PTPN20: variants seen among roughly 807,000 people sequenced by gnomAD.
PTPN20 encodes the protein tyrosine-protein phosphatase non-receptor type 20.
Under a neutral mutation model 35.0 loss-of-function variants are expected in PTPN20, and 9 were observed. That is an observed-to-expected ratio of 0.26 (90% CI 0.15 to 0.45). The LOEUF (loss-of-function observed/expected upper bound fraction) is 0.45. PTPN20 is among the 20% of genes least tolerant of loss of function. The probability of loss-of-function intolerance (pLI) is 1.00; values close to 1 mark genes in which losing one functional copy is unlikely to be tolerated. For synonymous variants in PTPN20, 32 were observed against 100.2 expected (o/e 0.32, Z 4.06); for missense variants, 111 against 312.5 (o/e 0.36, Z 4.86).
chr10:46,999,642 A>G (rs952966937), intron 9 of PTPN20, among the ~76,000 whole-genome samples: 3 of 152,228 alleles, frequency 2.0e-5, no homozygotes, highest in African/African-American at 7.2e-5. Flanking sequence ...CTGCCTTTGG[A>G]TAACAAACAG....
downstream of PTPN20, among the ~76,000 whole-genome samples, chr10:47,003,298 GC>G (rs1287992191): frequency 0.45 from 68,630 of 151,738 alleles, 15,919 homozygotes; most frequent in South Asian, 0.55. Context: ...GAAAAACAGA[GC>G]CCCCCCTATT....
intron 9 of PTPN20, among the ~76,000 whole-genome samples, chr10:46,994,895 T>C (rs554625625): frequency 2.2e-3 from 341 of 152,308 alleles, no homozygotes; most frequent in Middle Eastern, 6.8e-3. Flanking sequence ...TTCATTCTGC[T>C]ATTGTGAGGC....
At chr10:46,967,610 A>G (rs2051058156) in intron 6 of PTPN20, among the ~76,000 whole-genome samples, 1 of 150,146 alleles carries the variant, frequency 6.7e-6, no homozygotes, top group Non-Finnish European at 1.5e-5. Flanking sequence ...TTTTATTTAT[A>G]AAATGATAGA....
At chr10:46,994,517 G>C (rs1291905029) in intron 9 of PTPN20, among the ~76,000 whole-genome samples, 1 of 151,518 alleles carries the variant, frequency 6.6e-6, no homozygotes, top group African/African-American at 2.4e-5. Flanking sequence ...TATTTTTTTA[G>C]TAGAGACGGG....
chr10:46,949,336 C>G (rs1435673381), intron 5 of PTPN20, among the ~76,000 whole-genome samples: 3,567 of 151,664 alleles, frequency 0.024, 16 homozygotes, highest in Middle Eastern at 0.068. Context: ...GTCACACTGG[C>G]CCACATCCAG....
At chr10:46,993,060 TG>T (rs1229446660) in intron 9 of PTPN20, among the ~76,000 whole-genome samples, 7 of 152,202 alleles carry the variant, frequency 4.6e-5, no homozygotes, top group Non-Finnish European at 8.8e-5. Context: ...CAGTGTATAC[TG>T]GAAGAGTTTG....
At position 46,963,658 on chromosome 10, in the gene PTPN20, G is replaced by A. The variant is rs1417497427; in HGVS notation, c.341-1328G>A. 4.2e-5 allele frequency among the ~76,000 whole-genome samples: 4 copies of A among 95,552 alleles called. 1 individual carries two copies. The highest frequency in any genetic ancestry group is 7.6e-5 in the Non-Finnish European group (4 of 52,520). 62.7% of individuals were successfully genotyped at this position (95,552 alleles called of 152,430 possible). On this transcript the variant is annotated intron_variant, in intron 5 of 10. Coordinates refer to ENST00000374339, the MANE Select transcript of PTPN20 (RefSeq NM_001042357.5). Reference sequence around the variant, plus strand: ...AGACCAGCCTATTTCTATGGTTGGCGCAAATCTCCTACCTATTTCTGAATT... The same window carrying A: ...AGACCAGCCTATTTCTATGGTTGGCACAAATCTCCTACCTATTTCTGAATT...
chr10:46,984,135 G>A, intron 7 of PTPN20, 95 bp from the exon 8 acceptor site: 2 of 919,040 alleles, frequency 2.2e-6, no homozygotes, highest in Non-Finnish European at 1.8e-6. Context: ...TGGTCAAAGA[G>A]ATATATGGAT....
intron 7 of PTPN20, among the ~76,000 whole-genome samples, chr10:46,983,412 G>C (rs2056141828): frequency 6.6e-6 from 1 of 151,468 alleles, no homozygotes; most frequent in African/African-American, 2.4e-5. Flanking sequence ...ATTGGTGAGA[G>C]AGCTGCATGG....
chr10:46,923,980 C>T (rs1204243767), intron 1 of PTPN20, among the ~76,000 whole-genome samples: 2 of 152,166 alleles, frequency 1.3e-5, no homozygotes, highest in African/African-American at 4.8e-5. Context: ...TTTATATTTC[C>T]AATTCCAATT....
chr10:46,941,714 TTTG>T (rs1194979261), intron 3 of PTPN20, among the ~76,000 whole-genome samples: 5 of 151,294 alleles, frequency 3.3e-5, no homozygotes, highest in Admixed American at 3.3e-4. Flanking sequence ...TGTTTGTTTG[TTTG>T]TTTTTTTGCT....
chr10:46,951,502 A>G (rs2046657009), intron 5 of PTPN20, among the ~76,000 whole-genome samples: 1 of 152,230 alleles, frequency 6.6e-6, no homozygotes, highest in African/African-American at 2.4e-5. Context: ...TTAATTTCTA[A>G]AATGTTTAAA....
In PTPN20 at chr10:46,986,411, G is replaced by A. The variant is rs377629447; in HGVS notation, c.919-929G>A. On this transcript the variant is annotated intron_variant, in intron 8 of 10. Transcript: ENST00000374339. ...CTCTGAGCACTAGCATCTTTATTCA[G>A]AAAGCTTAGGAAAAAGAGGTGCATT... Among the ~76,000 whole-genome samples, 38 of 149,406 alleles carry A rather than the reference G, an allele frequency of 2.5e-4. 1 individual carries two copies. The highest frequency in any genetic ancestry group is 1.3e-3 in the South Asian group (6 of 4,772).
At chr10:46,976,839 TTCTC>T (rs1367083317) in intron 7 of PTPN20, among the ~76,000 whole-genome samples, 2 of 144,894 alleles carry the variant, frequency 1.4e-5, no homozygotes, top group African/African-American at 2.5e-5. Flanking sequence ...TGCAAGTACT[TTCTC>T]TATCTCTCTC....
At chr10:46,986,411 G>T (rs377629447) in intron 8 of PTPN20, among the ~76,000 whole-genome samples, 1 of 149,288 alleles carries the variant, frequency 6.7e-6, no homozygotes, top group Admixed American at 6.6e-5. Flanking sequence ...TCTTTATTCA[G>T]AAAGCTTAGG....
intron 5 of PTPN20, 83 bp downstream of exon 5, chr10:46,946,758 G>T (rs1445356390): frequency 1.8e-6 from 2 of 1,142,424 alleles, no homozygotes; most frequent in African/African-American, 3.4e-5. Flanking sequence ...ACAAATGAAA[G>T]AAAGAGCTAG....
chr10:46,932,407 A>T lies in PTPN20; in HGVS notation c.-93A>T. 1.9e-6 allele frequency: 3 copies of T among 1,610,440 alleles called. No individual in the cohort carries two copies. The highest frequency in any genetic ancestry group is 2.2e-5 in the South Asian group (2 of 90,740). On this transcript the variant is annotated 5_prime_UTR_variant, in exon 2 of 11. Transcript: ENST00000374339. ...CAAAAATTGTTTGCTGGCCCCCAGG[A>T]TACTAACTAGACCTTTGGCCTGACT...
intron 1 of PTPN20, 110 bp from the exon 2 acceptor site, chr10:46,932,267 A>G: frequency 7.1e-7 from 1 of 1,406,012 alleles, no homozygotes; most frequent in South Asian, 1.6e-5. Flanking sequence ...TTTTGTCTTT[A>G]ATTAAAATTG....
At chr10:46,938,782 A>AC (rs1270149375) in intron 2 of PTPN20, among the ~76,000 whole-genome samples, 1 of 94,354 alleles carries the variant, frequency 1.1e-5, no homozygotes, top group Non-Finnish European at 2.0e-5. Context: ...CAGAAGGCTC[A>AC]CCCCCTTCTC....
Sources: gnomAD v4.1 joint callset for allele counts (sites outside exome capture counted in the v4.1 genomes callset) on GRCh38, gnomAD v4.1.1 for gene constraint, MANE v1.5 for transcripts, NCBI Gene and HGNC (gene_info 2026-07-23, HGNC 2026-07-21) for gene names.